ARMH4: variants seen among roughly 807,000 people sequenced by gnomAD.
The protein encoded by ARMH4 is armadillo-like helical domain-containing protein 4.
Under a neutral mutation model 61.9 loss-of-function variants are expected in ARMH4, and 49 were observed. That is an observed-to-expected ratio of 0.79 (90% confidence interval 0.63 to 1.00). The LOEUF (loss-of-function observed/expected upper bound fraction) is 1.00. Ranked by LOEUF, ARMH4 falls within the 50% of genes least tolerant of loss-of-function variation. The probability of loss-of-function intolerance (pLI) is 0.00; values close to 1 mark genes in which losing one functional copy is unlikely to be tolerated. For missense variants in ARMH4, 934 were observed against 930.0 expected, an observed-to-expected ratio of 1.00 and a Z score of -0.06; for synonymous variants, 368 against 341.5, an observed-to-expected ratio of 1.08 and a Z score of -0.85.
chr14:58,075,119 G>A (rs913092209), intron 5 of ARMH4, among the ~76,000 whole-genome samples: 1 of 152,218 alleles, frequency 6.6e-6, no homozygotes, highest in African/African-American at 2.4e-5. Context: ...ATGTTGGAGA[G>A]GATGTGGAGA....
intron 5 of ARMH4, among the ~76,000 whole-genome samples, chr14:58,057,999 G>A (rs1884405413): frequency 6.6e-6 from 1 of 152,150 alleles, no homozygotes; most frequent in South Asian, 2.1e-4. Context: ...TCAAATGCAT[G>A]GAGCTTCAGC....
At chr14:58,150,524 T>C (rs750422675) in intron 1 of ARMH4, among the ~76,000 whole-genome samples, 1 of 152,200 alleles carries the variant, frequency 6.6e-6, no homozygotes, top group African/African-American at 2.4e-5. Context: ...CATCGAACCA[T>C]TTCCGTAATA....
intron 4 of ARMH4, among the ~76,000 whole-genome samples, chr14:58,107,980 C>T (rs891593628): frequency 1.3e-5 from 2 of 152,114 alleles, no homozygotes; most frequent in South Asian, 2.1e-4. Context: ...ATGCCAATAA[C>T]AATCAAAAGC....
intron 5 of ARMH4, among the ~76,000 whole-genome samples, chr14:58,055,421 A>T (rs1329105600): frequency 6.6e-6 from 1 of 152,158 alleles, no homozygotes; most frequent in Non-Finnish European, 1.5e-5. Context: ...ATAGGAGAAG[A>T]TGAGGTAGAA....
At position 58,003,181 on chromosome 14, in the gene ARMH4, C is replaced by T. The variant is rs1425437234; in HGVS notation, c.*1555G>A. The T allele has an allele frequency of 6.6e-6, 1 of 152,112 alleles. No homozygotes were observed. The highest frequency in any genetic ancestry group is 1.5e-5 in the Non-Finnish European group (1 of 68,022). The allele number at this position is 152,112 out of a possible 1,614,324, so 9.4% of individuals were successfully genotyped here. A position where few individuals can be genotyped will look rare whatever the true frequency, so the allele number is the denominator to read the frequency against. On this transcript the variant is annotated 3_prime_UTR_variant, in exon 8 of 8. Coordinates refer to ENST00000267485, the MANE Select transcript of ARMH4 (RefSeq NM_001001872.4). ...GCTATTCCCTGCTATTCCCTTAGAA[C>T]CTTTGTTTTAAAGAAGGACCCTGAA...
At chr14:58,097,744 C>T (rs1308335234) in intron 4 of ARMH4, among the ~76,000 whole-genome samples, 1 of 150,664 alleles carries the variant, frequency 6.6e-6, no homozygotes, top group East Asian at 1.9e-4. Context: ...CTTGCTCTGT[C>T]ACCCAGGCTG....
In ARMH4 at chr14:58,139,344, A is replaced by G. The variant is rs751847614; in HGVS notation, c.15T>C (p.Ile5=). The change falls in exon 2 of 8, where the codon ATT becomes ATC. Residue 5 remains isoleucine, a synonymous_variant. Transcript: ENST00000267485. MRGP[I]VLHICLAFCS... ...AGAAAGCCAGACAAATGTGCAATAC[A>G]ATCGGTCCTCTCATAGTGGAAGAGA... 4 of 1,614,050 alleles carry G rather than the reference A, an allele frequency of 2.5e-6. No individual in the cohort carries two copies. The highest frequency in any genetic ancestry group is 2.2e-5 in the South Asian group (2 of 91,082).
chr14:58,073,808 C>G (rs1431105736), intron 5 of ARMH4, among the ~76,000 whole-genome samples: 1 of 152,162 alleles, frequency 6.6e-6, no homozygotes, highest in Non-Finnish European at 1.5e-5. Context: ...GCTCTTGGAG[C>G]AAGTTATGAA....
intron 5 of ARMH4, among the ~76,000 whole-genome samples, chr14:58,022,522 C>T (rs1882877682): frequency 6.6e-6 from 1 of 152,196 alleles, no homozygotes; most frequent in Non-Finnish European, 1.5e-5. Flanking sequence ...TACACAGCTT[C>T]CCAGAGAATC....
chr14:58,032,884 C>A (rs1215322564), intron 5 of ARMH4, among the ~76,000 whole-genome samples: 1 of 152,114 alleles, frequency 6.6e-6, no homozygotes, highest in Non-Finnish European at 1.5e-5. Context: ...TATACCACAC[C>A]TGGCTCGGAG....
intron 5 of ARMH4, among the ~76,000 whole-genome samples, chr14:58,023,266 T>G (rs1882907557): frequency 6.6e-6 from 1 of 152,198 alleles, no homozygotes; most frequent in East Asian, 1.9e-4. Context: ...CTAGAGTTAA[T>G]CCTCTCAAAC....
intron 5 of ARMH4, among the ~76,000 whole-genome samples, chr14:58,012,464 C>T (rs1882445812): frequency 6.6e-6 from 1 of 152,070 alleles, no homozygotes; most frequent in Non-Finnish European, 1.5e-5. Flanking sequence ...ATATCAAGTT[C>T]ATTTATTCTC....
At chr14:58,105,384 C>T (rs1886136990) in intron 4 of ARMH4, among the ~76,000 whole-genome samples, 1 of 152,098 alleles carries the variant, frequency 6.6e-6, no homozygotes, top group Non-Finnish European at 1.5e-5. Flanking sequence ...GAAAACTGAA[C>T]CTCTAAAAGG....
chr14:58,047,897 G>C, intron 5 of ARMH4, among the ~76,000 whole-genome samples: 1 of 152,162 alleles, frequency 6.6e-6, no homozygotes, highest in Non-Finnish European at 1.5e-5. Context: ...GAAAAGCCAG[G>C]TAAAGTAGAA....
intron 7 of ARMH4, 114 bp downstream of exon 7, chr14:58,004,934 T>C (rs1882106073): frequency 3.0e-5 from 46 of 1,542,370 alleles, no homozygotes; most frequent in East Asian, 9.0e-5. Flanking sequence ...TCCAGACCAC[T>C]GGGCACGTCA....
chr14:58,135,431 T>C (rs528112370), intron 2 of ARMH4, among the ~76,000 whole-genome samples: 16 of 152,298 alleles, frequency 1.1e-4, no homozygotes, highest in Non-Finnish European at 7.4e-5. Flanking sequence ...TTTGAAAGCA[T>C]AATGAACACT....
intron 5 of ARMH4, among the ~76,000 whole-genome samples, chr14:58,089,099 T>C (rs1486353995): frequency 3.3e-5 from 5 of 152,194 alleles, no homozygotes; most frequent in African/African-American, 1.2e-4. Flanking sequence ...CAATCTACCA[T>C]CTCTCTTTGT....
intron 5 of ARMH4, among the ~76,000 whole-genome samples, chr14:58,094,851 G>A (rs907135035): frequency 3.3e-5 from 5 of 152,242 alleles, no homozygotes; most frequent in South Asian, 2.1e-4. Context: ...AATGCTCTGC[G>A]GCATGATTGT....
chr14:58,114,627 G>T (rs538071720), intron 4 of ARMH4, among the ~76,000 whole-genome samples: 1 of 152,294 alleles, frequency 6.6e-6, no homozygotes, highest in East Asian at 1.9e-4. Flanking sequence ...CCAACGAGCT[G>T]AGTGAGAGTT....
Sources: gnomAD v4.1 joint callset for allele counts (sites outside exome capture counted in the v4.1 genomes callset) on GRCh38, gnomAD v4.1.1 for gene constraint, MANE v1.5 for transcripts, NCBI Gene and HGNC (gene_info 2026-07-23, HGNC 2026-07-21) for gene names.